The following SORCS3 variants were observed in gnomAD, a reference collection of about 807,000 sequenced individuals.
SORCS3 encodes VPS10 domain-containing receptor SorCS3.
Under a neutral mutation model 146.3 loss-of-function variants are expected in SORCS3, and 57 were observed. The ratio of observed to expected loss-of-function variants is 0.39; its 90% CI spans 0.31 to 0.49. The LOEUF (loss-of-function observed/expected upper bound fraction) is 0.49. Ranked by LOEUF, SORCS3 falls within the 20% of genes least tolerant of loss-of-function variation. The pLI, the probability that SORCS3 is intolerant of heterozygous loss-of-function variation, is 0.92. For synonymous variants in SORCS3, 653 were observed against 618.5 expected, an observed-to-expected ratio of 1.06 and a Z score of -0.83; for missense variants, 1,341 against 1,575.5, an observed-to-expected ratio of 0.85 and a Z score of 2.52.
intron 1 of SORCS3, among the ~76,000 whole-genome samples, chr10:104,770,652 T>C (rs548773813): frequency 1.8e-4 from 27 of 151,810 alleles, no homozygotes; most frequent in Non-Finnish European, 3.8e-4. Flanking sequence ...AAACCCCATC[T>C]CTACCAAAAA....
intron 2 of SORCS3, among the ~76,000 whole-genome samples, chr10:104,906,768 A>G (rs994852009): frequency 2.0e-5 from 3 of 152,216 alleles, no homozygotes; most frequent in African/African-American, 7.2e-5. Context: ...GTTGATTAAC[A>G]TTGTGACTGT....
At chr10:104,822,221 A>G (rs1233141888) in intron 1 of SORCS3, 4 of 403,086 alleles carry the variant, frequency 9.9e-6, no homozygotes, top group South Asian at 1.9e-5. Flanking sequence ...TCTGTTTCTT[A>G]TCATGGAGGG....
intron 1 of SORCS3, among the ~76,000 whole-genome samples, chr10:104,756,796 G>T (rs1354027869): frequency 6.6e-6 from 1 of 152,212 alleles, no homozygotes; most frequent in African/African-American, 2.4e-5. Context: ...TTTAGAAGTT[G>T]CTGGCAGTGC....
At chr10:105,084,824 G>A (rs1004203148) in intron 5 of SORCS3, among the ~76,000 whole-genome samples, 7 of 151,254 alleles carry the variant, frequency 4.6e-5, no homozygotes, top group Non-Finnish European at 7.4e-5. Flanking sequence ...TCCACCTCCC[G>A]GGTTCACGCC....
intron 2 of SORCS3, among the ~76,000 whole-genome samples, chr10:104,888,352 C>A (rs10509777): frequency 0.27 from 41,784 of 152,032 alleles, 6,200 homozygotes; most frequent in African/African-American, 0.37. Context: ...GCTGGCCGAT[C>A]CAAGAAATTG....
intron 1 of SORCS3, among the ~76,000 whole-genome samples, chr10:104,802,782 A>T (rs954750755): frequency 4.6e-5 from 7 of 152,190 alleles, no homozygotes; most frequent in African/African-American, 1.7e-4. Flanking sequence ...GATCTTGGAG[A>T]GAGAGCATAG....
intron 2 of SORCS3, among the ~76,000 whole-genome samples, chr10:104,901,834 G>A (rs868009): frequency 0.37 from 55,894 of 152,110 alleles, 13,388 homozygotes; most frequent in African/African-American, 0.68. Context: ...ATTAGGTGAT[G>A]CAGAGGCTGG....
At chr10:105,163,853 A>G (rs2056287534) in intron 11 of SORCS3, among the ~76,000 whole-genome samples, 2 of 148,046 alleles carry the variant, frequency 1.4e-5, no homozygotes, top group African/African-American at 5.0e-5. Context: ...ACAAGTTTCA[A>G]ACATACACAC....
intron 4 of SORCS3, among the ~76,000 whole-genome samples, chr10:104,982,195 G>A (rs2054935307): frequency 6.6e-6 from 1 of 152,166 alleles, no homozygotes; most frequent in African/African-American, 2.4e-5. Flanking sequence ...CAGTACAGAG[G>A]AGGTGCTTGT....
Position 105,043,067 on chromosome 10 carries a change from A to G in SORCS3, c.967A>G (p.Met323Val), listed in dbSNP as rs145778074. ...CATTGTTTTGCAGCTCTACAGCTCC[A>G]TGGACTTTGGAAGACGGTGGCAACT... ...YSLDQKLYSS[M>V]DFGRRWQLMH... is the part of the protein sequence containing the mutation. Residue 323 changes from methionine to valine, a missense_variant, in exon 5 of 27, where the codon ATG becomes GTG. By Grantham distance (21) the Met-to-Val change is conservative. Coordinates refer to ENST00000369701, the MANE Select transcript of SORCS3 (RefSeq NM_014978.3). 9.3e-4 allele frequency: 1,493 copies of G among 1,613,686 alleles called. 3 individuals carry two copies. Among genetic ancestry groups the G allele is most frequent in the Non-Finnish European group, 9.9e-4 (1,167 of 1,179,798 alleles).
chr10:104,831,780 C>T (rs1023103609), intron 1 of SORCS3, among the ~76,000 whole-genome samples: 3 of 152,162 alleles, frequency 2.0e-5, no homozygotes, highest in Non-Finnish European at 4.4e-5. Flanking sequence ...GGAAAACCTG[C>T]ACCTTGCTGG....
chr10:105,147,456 G>A (rs1475195734), intron 8 of SORCS3, among the ~76,000 whole-genome samples, 161 bp from the exon 9 acceptor site: 4 of 152,130 alleles, frequency 2.6e-5, no homozygotes, highest in Non-Finnish European at 5.9e-5. Flanking sequence ...AAATCATGAA[G>A]CTTATAATTT....
chr10:105,236,209 C>G (rs1312506729), intron 20 of SORCS3, among the ~76,000 whole-genome samples: 1 of 152,072 alleles, frequency 6.6e-6, no homozygotes, highest in Non-Finnish European at 1.5e-5. Context: ...GTTAAGCTCC[C>G]TGTCTGAGGT....
chr10:105,076,130 C>A (rs60360843), intron 5 of SORCS3, among the ~76,000 whole-genome samples: 2,131 of 152,202 alleles, frequency 0.014, 46 homozygotes, highest in African/African-American at 0.048. Flanking sequence ...AAGACCAAAT[C>A]AGGAAGATTT....
intron 20 of SORCS3, among the ~76,000 whole-genome samples, chr10:105,234,109 T>G (rs2056779701): frequency 6.6e-6 from 1 of 152,184 alleles, no homozygotes; most frequent in Admixed American, 6.6e-5. Flanking sequence ...AAAACATTCT[T>G]TTCTTCTTCA....
chr10:104,859,482 C>T (rs577666701), intron 2 of SORCS3, among the ~76,000 whole-genome samples: 21 of 152,300 alleles, frequency 1.4e-4, no homozygotes, highest in Middle Eastern at 6.8e-3. Context: ...AAAACCTAGG[C>T]ATTACCATTC....
At chr10:104,851,484 C>T (rs985731940) in intron 2 of SORCS3, among the ~76,000 whole-genome samples, 1 of 152,184 alleles carries the variant, frequency 6.6e-6, no homozygotes. Flanking sequence ...TCTCAGCAGT[C>T]AATTCATTAG....
intron 9 of SORCS3, among the ~76,000 whole-genome samples, chr10:105,154,100 T>G (rs790749): frequency 0.48 from 69,407 of 145,802 alleles, 16,992 homozygotes; most frequent in Non-Finnish European, 0.53. Context: ...AAACTTCCCA[T>G]CCAGCCTCAG....
intron 4 of SORCS3, among the ~76,000 whole-genome samples, chr10:105,019,496 T>C (rs1476407168): frequency 1.3e-5 from 2 of 152,168 alleles, no homozygotes; most frequent in African/African-American, 4.8e-5. Context: ...CCATCTCTTC[T>C]CTTACCTCTG....
Sources: allele counts gnomAD v4.1 joint callset (sites outside exome capture counted in the v4.1 genomes callset), GRCh38; gene constraint gnomAD v4.1.1; transcripts MANE v1.5; gene names NCBI Gene and HGNC (gene_info 2026-07-23, HGNC 2026-07-21).